The following FAAH2 variants were observed in gnomAD, a reference collection of about 807,000 sequenced individuals.
The protein encoded by FAAH2 is fatty-acid amide hydrolase 2.
A neutral mutation model predicts 36.9 loss-of-function variants in FAAH2; 60 were observed. The observed-to-expected ratio is 1.63, with a 90% CI of 1.32 to 2.02. The LOEUF (loss-of-function observed/expected upper bound fraction) is 2.02. Ranked by LOEUF, FAAH2 falls within the 30% of genes most tolerant of loss-of-function variation. The pLI, the probability that FAAH2 is intolerant of heterozygous loss-of-function variation, is 0.00. For synonymous variants in FAAH2, 214 were observed against 143.8 expected, an observed-to-expected ratio of 1.49 and a Z score of -3.49; for missense variants, 689 against 397.5, an observed-to-expected ratio of 1.73 and a Z score of -6.23.
At chrX:57,289,554 G>A (rs745895651) in intron 1 of FAAH2, among the ~76,000 whole-genome samples, 5 of 111,056 alleles carry the variant, frequency 4.5e-5, no homozygotes, top group Non-Finnish European at 9.4e-5. Context: ...TTTGTTAGGA[G>A]ACAAGGGTGG....
At chrX:57,370,735 C>T (rs2054529540) in intron 5 of FAAH2, among the ~76,000 whole-genome samples, 1 of 111,950 alleles carries the variant, frequency 8.9e-6, no homozygotes. Context: ...TCTGTTAGAT[C>T]AGCAGCAGCA....
chrX:57,317,251 T>C (rs1226148004), intron 3 of FAAH2, among the ~76,000 whole-genome samples: 1 of 112,405 alleles, frequency 8.9e-6, no homozygotes, highest in Non-Finnish European at 1.9e-5. Flanking sequence ...GACCCATTAG[T>C]CTGCTGTATT....
intron 8 of FAAH2, among the ~76,000 whole-genome samples, chrX:57,437,703 T>A (rs1270247615): frequency 1.1e-5 from 1 of 87,642 alleles, no homozygotes; most frequent in Non-Finnish European, 2.2e-5. Context: ...ATATTACATA[T>A]AAATATATAA....
the FAAH2 span, among the ~76,000 whole-genome samples, chrX:57,204,280 G>A: frequency 6.3e-5 from 7 of 111,404 alleles, no homozygotes; most frequent in African/African-American, 2.0e-4. Context: ...GGCAAATACC[G>A]AGATCAGAAA....
At chrX:57,184,497 C>T in the FAAH2 span, among the ~76,000 whole-genome samples, 7 of 112,192 alleles carry the variant, frequency 6.2e-5, no homozygotes, top group African/African-American at 2.3e-4. Context: ...ATAGAAAGAA[C>T]CTACGTTGAA....
intron 7 of FAAH2, among the ~76,000 whole-genome samples, chrX:57,384,184 T>G (rs1331370343): frequency 1.8e-5 from 2 of 109,068 alleles, no homozygotes; most frequent in South Asian, 4.1e-4. Flanking sequence ...CAAGATGGAT[T>G]AAAGACTTAA....
At chrX:57,364,576 T>C (rs754716472) in intron 5 of FAAH2, among the ~76,000 whole-genome samples, 6 of 109,425 alleles carry the variant, frequency 5.5e-5, no homozygotes, top group East Asian at 5.7e-4. Flanking sequence ...CTCTTAATTT[T>C]AGTTATTTCT....
At chrX:57,397,241 C>T (rs2055327861) in intron 7 of FAAH2, among the ~76,000 whole-genome samples, 2 of 111,407 alleles carry the variant, frequency 1.8e-5, no homozygotes, top group African/African-American at 6.5e-5. Flanking sequence ...CTTTTAAGTG[C>T]AGTATTTAGG....
the FAAH2 span, among the ~76,000 whole-genome samples, chrX:57,233,148 C>T: frequency 1.3e-3 from 142 of 111,575 alleles, no homozygotes; most frequent in African/African-American, 4.3e-3. Context: ...TAGCCAGGGG[C>T]TTTTTCTTCT....
At chrX:57,219,775 C>A in the FAAH2 span, among the ~76,000 whole-genome samples, 2 of 90,308 alleles carry the variant, frequency 2.2e-5, no homozygotes, top group Admixed American at 2.5e-4. Context: ...TCCTCTGTTC[C>A]AAAAAAAAAA....
At chrX:57,164,622 A>G in the FAAH2 span, among the ~76,000 whole-genome samples, 1 of 112,554 alleles carries the variant, frequency 8.9e-6, no homozygotes, top group Non-Finnish European at 1.9e-5. Context: ...GCCACAGGAA[A>G]TGATTCAAAT....
intron 10 of FAAH2, 46 bp downstream of exon 10, chrX:57,448,764 G>A (rs747159390): frequency 9.0e-7 from 1 of 1,111,544 alleles, no homozygotes. Flanking sequence ...AAGAAATAGA[G>A]ATGTATGTTT....
chrX:57,159,321 G>A, the FAAH2 span, among the ~76,000 whole-genome samples: 2 of 111,605 alleles, frequency 1.8e-5, no homozygotes, highest in African/African-American at 6.5e-5. Flanking sequence ...TTGGCTATGC[G>A]GGCTGTTTTT....
chrX:57,202,076 A>G, the FAAH2 span, among the ~76,000 whole-genome samples: 3 of 74,108 alleles, frequency 4.0e-5, no homozygotes, highest in South Asian at 1.0e-3. Flanking sequence ...TTCCTCACAC[A>G]GCTATTTATA....
intron 3 of FAAH2, among the ~76,000 whole-genome samples, chrX:57,311,593 C>A (rs189759587): frequency 8.9e-6 from 1 of 111,946 alleles, no homozygotes. Context: ...CTTCCCATTC[C>A]TCCGAGGAGG....
chrX:57,404,332 T>A (rs1411055437), intron 7 of FAAH2, among the ~76,000 whole-genome samples: 3 of 112,606 alleles, frequency 2.7e-5, no homozygotes, highest in Non-Finnish European at 5.6e-5. Flanking sequence ...TTCTCCTTTC[T>A]GTCTTTGTAG....
the FAAH2 span, among the ~76,000 whole-genome samples, chrX:57,175,475 C>T: frequency 1.1e-4 from 12 of 111,813 alleles, no homozygotes; most frequent in Non-Finnish European, 2.3e-4. Context: ...TGTTACATGA[C>T]TCTCTGGAAG....
chrX:57,243,808 C>T, the FAAH2 span, among the ~76,000 whole-genome samples: 523 of 110,867 alleles, frequency 4.7e-3, 3 homozygotes, highest in African/African-American at 0.016. Context: ...CGAAAAAAGG[C>T]TGAAAATTGC....
chrX:57,227,795 A>G, the FAAH2 span, among the ~76,000 whole-genome samples: 1 of 111,556 alleles, frequency 9.0e-6, no homozygotes, highest in East Asian at 2.9e-4. Context: ...CTGAGCTCAG[A>G]CTTTCCTTAG....
Sources: allele counts gnomAD v4.1 joint callset (sites outside exome capture counted in the v4.1 genomes callset), GRCh38; gene constraint gnomAD v4.1.1; transcripts MANE v1.5; gene names NCBI Gene and HGNC (gene_info 2026-07-23, HGNC 2026-07-21).